BLTP1: variants seen among roughly 807,000 people sequenced by gnomAD.
The protein encoded by BLTP1 is bridge-like lipid transfer protein family member 1.
the BLTP1 span, chr4:122,210,965 C>G: frequency 6.2e-7 from 1 of 1,613,828 alleles, no homozygotes; most frequent in Non-Finnish European, 8.5e-7. Flanking sequence ...TCTTCTCCCT[C>G]TACTTCTTCA....
chr4:122,263,679 T>TA, the BLTP1 span: 1 of 857,946 alleles, frequency 1.2e-6, no homozygotes, highest in Non-Finnish European at 1.8e-6. Flanking sequence ...GGGGATGGGT[T>TA]AAAAATCAAA....
At chr4:122,209,142 T>C in the BLTP1 span, 6 of 1,593,608 alleles carry the variant, frequency 3.8e-6, no homozygotes, top group Admixed American at 3.5e-5. Context: ...CTTTGGCTTA[T>C]TATAATTATT....
the BLTP1 span, chr4:122,207,763 A>G: frequency 1.3e-5 from 14 of 1,043,264 alleles, no homozygotes; most frequent in Admixed American, 9.1e-5. Flanking sequence ...CTTTCCTCCA[A>G]TGTCTACTAC....
chr4:122,204,015 T>C, the BLTP1 span: 1 of 207,770 alleles, frequency 4.8e-6, no homozygotes, highest in African/African-American at 2.4e-5. Flanking sequence ...AAGTATAAAG[T>C]AGATAAAATA....
chr4:122,275,550 A>T, the BLTP1 span, among the ~76,000 whole-genome samples: 2 of 152,098 alleles, frequency 1.3e-5, no homozygotes, highest in Non-Finnish European at 2.9e-5. Context: ...TATTTACTCT[A>T]TCCTCCTGGA....
At chr4:122,169,655 CTG>C in the BLTP1 span, 2 of 959,476 alleles carry the variant, frequency 2.1e-6, no homozygotes, top group African/African-American at 1.8e-5. Context: ...ATTCATCCTA[CTG>C]TGTGTGCATA....
the BLTP1 span, among the ~76,000 whole-genome samples, chr4:122,180,304 C>T: frequency 6.6e-6 from 1 of 152,036 alleles, no homozygotes; most frequent in Non-Finnish European, 1.5e-5. Flanking sequence ...AAAATAAATA[C>T]TAGTTTTTTT....
chr4:122,247,639 C>A, the BLTP1 span: 1 of 1,199,940 alleles, frequency 8.3e-7, no homozygotes, highest in Non-Finnish European at 1.1e-6. Context: ...TTTTTCCATG[C>A]TATTTACTTG....
At chr4:122,343,744 C>A in the BLTP1 span, 1 of 939,794 alleles carries the variant, frequency 1.1e-6, no homozygotes, top group Non-Finnish European at 1.6e-6. Flanking sequence ...TAATACCTAT[C>A]TCATATTTAC....
At chr4:122,264,249 T>G in the BLTP1 span, 1 of 1,590,502 alleles carries the variant, frequency 6.3e-7, no homozygotes, top group Non-Finnish European at 8.6e-7. Context: ...TTTACTCCAT[T>G]AGGTGTTGCA....
At chr4:122,152,930 G>A in the BLTP1 span, 1 of 929,402 alleles carries the variant, frequency 1.1e-6, no homozygotes, top group Non-Finnish European at 1.3e-6. Flanking sequence ...CTTGCCAGCT[G>A]CACTGGGTTG....
the BLTP1 span, among the ~76,000 whole-genome samples, chr4:122,260,910 G>A: frequency 2.0e-5 from 3 of 152,062 alleles, no homozygotes. Context: ...ATCTGTAAGT[G>A]GATATGGAAT....
At chr4:122,297,691 A>G in the BLTP1 span, among the ~76,000 whole-genome samples, 7 of 152,352 alleles carry the variant, frequency 4.6e-5, no homozygotes, top group African/African-American at 1.7e-4. Flanking sequence ...GATAAAGAAA[A>G]TGTGGTATAT....
At chr4:122,340,202 C>A in the BLTP1 span, among the ~76,000 whole-genome samples, 3 of 152,170 alleles carry the variant, frequency 2.0e-5, no homozygotes, top group African/African-American at 7.2e-5. Context: ...AGAAGAGAAA[C>A]CAGAGATGCT....
the BLTP1 span, chr4:122,350,291 C>T: frequency 1.0e-6 from 1 of 985,372 alleles, no homozygotes; most frequent in Non-Finnish European, 1.2e-6. Flanking sequence ...CCCCCTGCTG[C>T]AGTGCATCTG....
the BLTP1 span, chr4:122,290,999 G>C: frequency 1.3e-6 from 1 of 790,480 alleles, no homozygotes; most frequent in South Asian, 5.8e-5. Context: ...CAGACTGTCA[G>C]GGTAAGCCTC....
At chr4:122,170,280 G>C in the BLTP1 span, 5 of 869,730 alleles carry the variant, frequency 5.7e-6, no homozygotes, top group Non-Finnish European at 6.8e-6. Flanking sequence ...ACTCCAGCCT[G>C]GGCAACAACA....
chr4:122,298,621 T>C, the BLTP1 span: 1 of 273,994 alleles, frequency 3.6e-6, no homozygotes, highest in Non-Finnish European at 4.3e-6. Context: ...TACAAAGATA[T>C]GTGGGTAAAA....
chr4:122,238,842 T>C, the BLTP1 span, among the ~76,000 whole-genome samples: 1 of 152,222 alleles, frequency 6.6e-6, no homozygotes, highest in Admixed American at 6.5e-5. Flanking sequence ...GCCTGCCCTT[T>C]GTTGAACATT....
Sources: gnomAD v4.1 joint callset for allele counts (sites outside exome capture counted in the v4.1 genomes callset) on GRCh38, gnomAD v4.1.1 for gene constraint, MANE v1.5 for transcripts, NCBI Gene and HGNC (gene_info 2026-07-23, HGNC 2026-07-21) for gene names.